The following VAV3 variants were observed in gnomAD, a reference collection of about 807,000 sequenced individuals.
The protein encoded by VAV3 is guanine nucleotide exchange factor VAV3.
VAV3 carries 94 observed loss-of-function variants against 131.2 expected under a neutral mutation model. That is an observed-to-expected ratio of 0.72 (90% CI 0.61 to 0.85). VAV3 has a LOEUF of 0.85. VAV3 is among the 40% of genes least tolerant of loss of function. The pLI is 0.00. For synonymous variants in VAV3, 349 were observed against 342.0 expected, an observed-to-expected ratio of 1.02 and a Z score of -0.22; for missense variants, 939 against 1,002.7, an observed-to-expected ratio of 0.94 and a Z score of 0.86.
chr1:107,698,239 C>T (rs1019876131), intron 17 of VAV3, among the ~76,000 whole-genome samples: 2 of 152,160 alleles, frequency 1.3e-5, no homozygotes, highest in African/African-American at 4.8e-5. Context: ...AAGTCACATG[C>T]ATTCCGTAGA....
chr1:107,704,598 T>C lies in VAV3; in HGVS notation c.1657A>G (p.Lys553Glu). 3 of 1,614,024 alleles carry C rather than the reference T, an allele frequency of 1.9e-6. No individual in the cohort carries two copies. The highest frequency in any genetic ancestry group is 2.5e-6 in the Non-Finnish European group (3 of 1,179,954). Residue 553 changes from lysine to glutamate, a missense_variant, in exon 17 of 27, where the codon AAA becomes GAA. By Grantham distance (56) the Lys-to-Glu change is moderately conservative. Coordinates refer to ENST00000370056, the MANE Select transcript of VAV3 (RefSeq NM_006113.5). ...TTGTCTACTCTTCCCAAACATTCTTTGTGTGCTCTCGCTCCACACTTAAAA... is the reference window on the plus strand; with the variant it reads ...TTGTCTACTCTTCCCAAACATTCTTCGTGTGCTCTCGCTCCACACTTAAAA... ...LCFKCGARAH[K>E]ECLGRVDNCG...
intron 1 of VAV3, among the ~76,000 whole-genome samples, chr1:107,913,844 G>A (rs1252571188): frequency 6.6e-6 from 1 of 152,116 alleles, no homozygotes; most frequent in African/African-American, 2.4e-5. Flanking sequence ...TGCCCAGGCT[G>A]GAGTGAAGTG....
chr1:107,927,472 G>C (rs889210677), intron 1 of VAV3, among the ~76,000 whole-genome samples: 6 of 151,488 alleles, frequency 4.0e-5, no homozygotes, highest in African/African-American at 1.5e-4. Context: ...AGCCACAGGG[G>C]GATATAGTAC....
intron 2 of VAV3, among the ~76,000 whole-genome samples, chr1:107,863,800 GA>G (rs1358171656): frequency 6.6e-6 from 1 of 152,140 alleles, no homozygotes; most frequent in South Asian, 2.1e-4. Flanking sequence ...AGGAATCCTT[GA>G]AACAGCAAAG....
intron 2 of VAV3, among the ~76,000 whole-genome samples, chr1:107,862,327 G>C (rs1669777485): frequency 6.6e-6 from 1 of 151,378 alleles, no homozygotes; most frequent in Non-Finnish European, 1.5e-5. Flanking sequence ...CATTCAGCCA[G>C]TTCCACCCCC....
intron 17 of VAV3, among the ~76,000 whole-genome samples, chr1:107,698,683 C>A (rs1156326831): frequency 6.6e-6 from 1 of 152,164 alleles, no homozygotes; most frequent in Non-Finnish European, 1.5e-5. Flanking sequence ...TCCATTCTCA[C>A]ACTGCCAGGA....
intron 1 of VAV3, among the ~76,000 whole-genome samples, chr1:107,933,078 G>C (rs1309235475): frequency 6.6e-6 from 1 of 152,136 alleles, no homozygotes; most frequent in Admixed American, 6.5e-5. Context: ...CTATGTATAA[G>C]AAATTTATGC....
chr1:107,744,010 T>A (rs11185172), intron 15 of VAV3, among the ~76,000 whole-genome samples: 1 of 151,982 alleles, frequency 6.6e-6, no homozygotes, highest in Non-Finnish European at 1.5e-5. Flanking sequence ...ATGTGATTTG[T>A]GGAGCTTAAC....
At chr1:107,888,682 C>G (rs1468785476) in intron 1 of VAV3, among the ~76,000 whole-genome samples, 1 of 152,094 alleles carries the variant, frequency 6.6e-6, no homozygotes, top group Non-Finnish European at 1.5e-5. Context: ...TGGTCTCGAA[C>G]TTCTGACCTC....
At chr1:107,921,660 G>C (rs1197472251) in intron 1 of VAV3, among the ~76,000 whole-genome samples, 2 of 152,140 alleles carry the variant, frequency 1.3e-5, no homozygotes, top group East Asian at 3.9e-4. Flanking sequence ...AAAGCATCCA[G>C]AGGAAAATGT....
intron 20 of VAV3, among the ~76,000 whole-genome samples, chr1:107,642,180 A>G (rs1364396098): frequency 1.3e-5 from 2 of 152,154 alleles, no homozygotes; most frequent in Non-Finnish European, 2.9e-5. Flanking sequence ...TCTAAGTCAC[A>G]GTATGAGATA....
At chr1:107,709,454 T>C (rs1660646725) in intron 15 of VAV3, among the ~76,000 whole-genome samples, 2 of 152,210 alleles carry the variant, frequency 1.3e-5, no homozygotes, top group Non-Finnish European at 1.5e-5. Context: ...TTACCTCTTA[T>C]GTGAAAGAAC....
intron 15 of VAV3, among the ~76,000 whole-genome samples, chr1:107,734,406 A>T (rs1365506985): frequency 6.6e-6 from 1 of 152,248 alleles, no homozygotes. Flanking sequence ...TAAAAGACAC[A>T]GACTGTCAAA....
chr1:107,587,482 A>G (rs1650592199), intron 25 of VAV3, among the ~76,000 whole-genome samples: 1 of 152,262 alleles, frequency 6.6e-6, no homozygotes, highest in Admixed American at 6.5e-5. Flanking sequence ...GAGACTAGTA[A>G]AACCAAATTC....
At chr1:107,625,830 C>T (rs1653977019) in intron 20 of VAV3, among the ~76,000 whole-genome samples, 1 of 152,100 alleles carries the variant, frequency 6.6e-6, no homozygotes, top group Admixed American at 6.6e-5. Flanking sequence ...CCACTTGCAC[C>T]ATCAAATCAA....
At chr1:107,695,899 G>A (rs922106419) in intron 17 of VAV3, among the ~76,000 whole-genome samples, 7 of 152,198 alleles carry the variant, frequency 4.6e-5, no homozygotes, top group African/African-American at 1.7e-4. Flanking sequence ...ACCTCTCATT[G>A]AGCCCCTGGG....
At chr1:107,788,033 T>C (rs1276421006) in intron 2 of VAV3, among the ~76,000 whole-genome samples, 1 of 152,038 alleles carries the variant, frequency 6.6e-6, no homozygotes, top group African/African-American at 2.4e-5. Flanking sequence ...ATCCTATCAG[T>C]CAATTCATCC....
At chr1:107,796,160 G>A (rs1028716839) in intron 2 of VAV3, among the ~76,000 whole-genome samples, 2 of 151,910 alleles carry the variant, frequency 1.3e-5, no homozygotes, top group African/African-American at 4.8e-5. Context: ...GCCTCAAAAT[G>A]CCATGCAACC....
chr1:107,820,432 T>C (rs565962391), intron 2 of VAV3, among the ~76,000 whole-genome samples: 53 of 151,844 alleles, frequency 3.5e-4, no homozygotes, highest in Non-Finnish European at 7.1e-4. Flanking sequence ...CTCATGGAGA[T>C]GGAGAGTAGA....
Sources: allele counts gnomAD v4.1 joint callset (sites outside exome capture counted in the v4.1 genomes callset), GRCh38; gene constraint gnomAD v4.1.1; transcripts MANE v1.5; gene names NCBI Gene and HGNC (gene_info 2026-07-23, HGNC 2026-07-21).